The following UBTD2 variants were observed in gnomAD, a reference collection of about 807,000 sequenced individuals.
UBTD2 encodes the protein ubiquitin domain containing 2, also known as ubiquitin domain-containing protein 2.
Under a neutral mutation model 19.8 loss-of-function variants are expected in UBTD2, and 9 were observed. That is an observed-to-expected ratio of 0.46 (90% confidence interval 0.27 to 0.79). The LOEUF is 0.79. Ranked by LOEUF, UBTD2 falls within the 30% of genes least tolerant of loss-of-function variation. The pLI is 0.14. For synonymous variants in UBTD2, 98 were observed against 103.9 expected (o/e 0.94, Z 0.35); for missense variants, 250 against 300.4 (o/e 0.83, Z 1.24).
chr5:172,227,695 C>CTTTT (rs1164255222), intron 2 of UBTD2, among the ~76,000 whole-genome samples: 8 of 72,162 alleles, frequency 1.1e-4, no homozygotes, highest in Non-Finnish European at 1.4e-4. Flanking sequence ...ATGAAAAATT[C>CTTTT]TTTTTTTTTT....
At chr5:172,278,391 T>C (rs1307892715) in intron 1 of UBTD2, among the ~76,000 whole-genome samples, 1 of 151,960 alleles carries the variant, frequency 6.6e-6, no homozygotes, top group Non-Finnish European at 1.5e-5. Flanking sequence ...TGGTGGTGCG[T>C]ACCTATAATC....
chr5:172,249,925 C>G (rs1405139383), intron 1 of UBTD2, among the ~76,000 whole-genome samples: 3 of 152,118 alleles, frequency 2.0e-5, no homozygotes, highest in Non-Finnish European at 2.9e-5. Context: ...TATTGAAAAC[C>G]TACATGTAAT....
chr5:172,225,779 A>C (rs1771750559), intron 2 of UBTD2, among the ~76,000 whole-genome samples: 1 of 152,176 alleles, frequency 6.6e-6, no homozygotes, highest in African/African-American at 2.4e-5. Context: ...TCACATTGGC[A>C]ATCTGGTACA....
upstream of UBTD2, chr5:172,283,847 C>T (rs1438239104): frequency 9.1e-6 from 2 of 220,442 alleles, no homozygotes; most frequent in African/African-American, 2.4e-5. The surrounding 1 kb of genome is among the most constrained non-coding windows in gnomAD (Gnocchi z 4.3). Context: ...CGGCCCCTTC[C>T]TCCGCGCCCA....
chr5:172,275,496 T>C (rs554933398), intron 1 of UBTD2, among the ~76,000 whole-genome samples: 1 of 152,274 alleles, frequency 6.6e-6, no homozygotes, highest in Admixed American at 6.5e-5. Flanking sequence ...GCTTCCCTCT[T>C]TCCCAATTCA....
At chr5:172,237,665 G>GA (rs1188455980) in intron 1 of UBTD2, among the ~76,000 whole-genome samples, 3 of 152,086 alleles carry the variant, frequency 2.0e-5, no homozygotes, top group Middle Eastern at 3.4e-3. Flanking sequence ...AAATAACTGG[G>GA]AAAAAAATTA....
In UBTD2 at chr5:172,234,205, T is replaced by C. The variant is rs1771963475; in HGVS notation, c.224A>G (p.Lys75Arg). Reference sequence around the variant, plus strand: ...GCTCTCAAAAGCATGTGCAGCAGCCTTCAAGGCATCCCAAATCTCTTTCCG... The same window carrying C: ...GCTCTCAAAAGCATGTGCAGCAGCCCTCAAGGCATCCCAAATCTCTTTCCG... ...EGRKEIWDALKAAAHAFESND... is the reference protein window; with the variant it reads ...EGRKEIWDALRAAAHAFESND... Residue 75 changes from lysine to arginine, a missense_variant, in exon 2 of 3, where the codon AAG becomes AGG. Lys to Arg is a conservative substitution (Grantham distance 26). Transcript: ENST00000393792. The C allele has an allele frequency of 6.2e-7, 1 of 1,614,072 alleles. No individual in the cohort carries two copies. The highest frequency in any genetic ancestry group is 1.3e-5 in the African/African-American group (1 of 74,938).
intron 1 of UBTD2, among the ~76,000 whole-genome samples, chr5:172,274,833 G>A (rs1039584651): frequency 1.3e-5 from 2 of 152,086 alleles, no homozygotes; most frequent in African/African-American, 4.8e-5. Flanking sequence ...GAGGTCAGGA[G>A]ATTGAGACCA....
intron 1 of UBTD2, among the ~76,000 whole-genome samples, chr5:172,259,707 T>C (rs948144732): frequency 3.3e-5 from 5 of 152,032 alleles, no homozygotes; most frequent in Non-Finnish European, 5.9e-5. Flanking sequence ...AATCTGAACT[T>C]GACAAGGTAT....
rs895674353 is a variant in UBTD2 at position 172,283,521 on chromosome 5, G to T, written c.70+75C>A. On this transcript the variant is annotated intron_variant, in intron 1 of 2. Transcript: ENST00000393792. The surrounding 1 kb of genome is among the most constrained non-coding windows in gnomAD (Gnocchi z 4.3). The stretch of plus-strand genomic sequence containing the variant: ...GGGGCGCGGGGGCCCGGCGCGGCCC[G>T]CGGGGGTCGGGACAGGTGGCCGGGC... 2 of 1,164,132 alleles carry T rather than the reference G, an allele frequency of 1.7e-6. No homozygotes were observed. Among genetic ancestry groups the T allele is most frequent in the Admixed American group, 8.6e-5 (2 of 23,158 alleles). 72.1% of individuals were successfully genotyped at this position (1,164,132 alleles called of 1,614,324 possible).
chr5:172,216,627 G>C lies in UBTD2; in HGVS notation c.308-4400C>G, dbSNP rs1013928427. ...AAAAAAAAAAAAAAAAAAGCCAGAG[G>C]GGGGAAAAAACAGCTTACCCACAGA... On this transcript the variant is annotated intron_variant, in intron 2 of 2. Coordinates refer to ENST00000393792, the MANE Select transcript of UBTD2 (RefSeq NM_152277.3). Among the ~76,000 whole-genome samples, 48 of 142,970 alleles carry C rather than the reference G, an allele frequency of 3.4e-4. 1 individual carries two copies. Among genetic ancestry groups the C allele is most frequent in the Non-Finnish European group, 4.1e-4 (27 of 65,290 alleles). The allele number at this position is 142,970 out of a possible 152,430, so 93.8% of individuals were successfully genotyped here.
intron 1 of UBTD2, among the ~76,000 whole-genome samples, chr5:172,256,290 C>A (rs1376495733): frequency 6.6e-6 from 1 of 152,142 alleles, no homozygotes; most frequent in African/African-American, 2.4e-5. Flanking sequence ...ACTCCCAACA[C>A]CTGCCCCCAA....
chr5:172,216,444 A>T (rs993491298), intron 2 of UBTD2, among the ~76,000 whole-genome samples: 51 of 145,320 alleles, frequency 3.5e-4, no homozygotes, highest in Admixed American at 1.2e-3. Flanking sequence ...ATCAAAGATT[A>T]AAAAAAAAAA....
intron 2 of UBTD2, among the ~76,000 whole-genome samples, chr5:172,220,863 A>T (rs567969730): frequency 9.8e-5 from 15 of 152,324 alleles, no homozygotes; most frequent in African/African-American, 3.6e-4. Context: ...CTGTCTATGT[A>T]AAAAATATGA....
rs75132684 is a variant in UBTD2, at chr5:172,259,577, T to C, written c.70+24019A>G. Among the ~76,000 whole-genome samples, 17 of 152,268 alleles carry C rather than the reference T, an allele frequency of 1.1e-4. No individual in the cohort carries two copies. In the East Asian group the frequency reaches 2.9e-3, roughly 26 times the overall value. On this transcript the variant is annotated intron_variant, in intron 1 of 2. Coordinates refer to ENST00000393792, the MANE Select transcript of UBTD2 (RefSeq NM_152277.3). Reference sequence around the variant, plus strand: ...ACTCTATGTATATATGTTGTATGTGTATATGTACTGTATACACCATATAAA... The same window carrying C: ...ACTCTATGTATATATGTTGTATGTGCATATGTACTGTATACACCATATAAA...
chr5:172,234,330 T>C lies in UBTD2; in HGVS notation c.99A>G (p.Lys33=), dbSNP rs201311397. Residue 33 remains lysine, a synonymous_variant, in exon 2 of 3, where the codon AAA becomes AAG. Coordinates refer to ENST00000393792, the MANE Select transcript of UBTD2 (RefSeq NM_152277.3). ...CGCTTTTCCATTTTGGTTTCTCCTT[T>C]TTCAAAGGCTGGTTACGACCTAGAG... The part of the protein sequence containing the change: ...GVALGRNQPL[K]KEKPKWKSDY... 11 of 1,614,160 alleles carry C rather than the reference T, an allele frequency of 6.8e-6. 1 individual carries two copies. In the South Asian group the frequency reaches 8.8e-5, roughly 13 times the overall value.
intron 1 of UBTD2, among the ~76,000 whole-genome samples, chr5:172,282,472 G>A (rs577598107): frequency 5.3e-4 from 81 of 152,312 alleles, no homozygotes; most frequent in African/African-American, 1.8e-3. Flanking sequence ...AAAAAACTTA[G>A]GTGTACATGG....
chr5:172,265,597 G>C (rs900940107), intron 1 of UBTD2, among the ~76,000 whole-genome samples: 1 of 152,172 alleles, frequency 6.6e-6, no homozygotes, highest in African/African-American at 2.4e-5. Context: ...CCAAAGTGCT[G>C]GGATTACAGG....
intron 1 of UBTD2, among the ~76,000 whole-genome samples, chr5:172,273,295 T>C (rs970730940): frequency 2.6e-5 from 4 of 151,898 alleles, no homozygotes; most frequent in Admixed American, 6.6e-5. Context: ...AGATTCTTTT[T>C]AAAAATGCCT....
Sources: allele counts gnomAD v4.1 joint callset (sites outside exome capture counted in the v4.1 genomes callset), GRCh38; gene constraint gnomAD v4.1.1; non-coding constraint Gnocchi (gnomAD v3.1); transcripts MANE v1.5; gene names NCBI Gene and HGNC (gene_info 2026-07-23, HGNC 2026-07-21).